Variants in XPO6 observed in about 807,000 individuals in gnomAD.
The protein encoded by XPO6 is exportin 6.
A neutral mutation model predicts 130.0 loss-of-function variants in XPO6; 3 were observed. The ratio of observed to expected loss-of-function variants is 0.02; its 90% CI spans 0.01 to 0.06. The LOEUF (loss-of-function observed/expected upper bound fraction) is 0.06, where lower values mean the gene tolerates loss of function less well. XPO6 is among the 10% of genes least tolerant of loss of function. XPO6 has a pLI of 1.00. For synonymous variants in XPO6, 524 were observed against 548.9 expected, an observed-to-expected ratio of 0.95 and a Z score of 0.63; for missense variants, 970 against 1,393.0, an observed-to-expected ratio of 0.70 and a Z score of 4.83.
chr16:28,161,293 G>GGA (rs1483040310), intron 6 of XPO6, among the ~76,000 whole-genome samples: 11 of 152,156 alleles, frequency 7.2e-5, no homozygotes, highest in Non-Finnish European at 1.2e-4. Flanking sequence ...TCCCTAAAAG[G>GGA]GTTTGGGGGA....
chr16:28,191,047 AC>A (rs1196822266), intron 1 of XPO6, among the ~76,000 whole-genome samples: 1 of 152,192 alleles, frequency 6.6e-6, no homozygotes, highest in East Asian at 1.9e-4. Context: ...ACTGGCCGGT[AC>A]CCTCTACCTT....
chr16:28,113,610 A>G (rs1200166194), intron 15 of XPO6, among the ~76,000 whole-genome samples: 2 of 152,208 alleles, frequency 1.3e-5, no homozygotes, highest in East Asian at 3.8e-4. Context: ...CACACCAAAA[A>G]GTCAAGGCAG....
chr16:28,173,784 G>C (rs2043492541), intron 4 of XPO6, among the ~76,000 whole-genome samples: 1 of 152,152 alleles, frequency 6.6e-6, no homozygotes, highest in Non-Finnish European at 1.5e-5. Flanking sequence ...TAAACCTCCA[G>C]AAGCCCTTCA....
intron 21 of XPO6, among the ~76,000 whole-genome samples, chr16:28,102,663 A>G (rs985238476): frequency 5.3e-5 from 8 of 152,180 alleles, no homozygotes; most frequent in African/African-American, 1.4e-4. Flanking sequence ...ACTTCAATCC[A>G]GGAGGCAGAG....
intron 1 of XPO6, among the ~76,000 whole-genome samples, chr16:28,187,422 AG>A (rs1353491785): frequency 6.6e-6 from 1 of 152,158 alleles, no homozygotes; most frequent in Non-Finnish European, 1.5e-5. Context: ...TGCAGGCTCT[AG>A]GGTCAGGTTC....
intron 6 of XPO6, among the ~76,000 whole-genome samples, chr16:28,161,722 C>G (rs1299948454): frequency 6.6e-6 from 1 of 152,070 alleles, no homozygotes; most frequent in Non-Finnish European, 1.5e-5. Flanking sequence ...GCATTATTAC[C>G]CATATTTACA....
At chr16:28,189,788 A>T (rs2043757175) in intron 1 of XPO6, among the ~76,000 whole-genome samples, 1 of 152,194 alleles carries the variant, frequency 6.6e-6, no homozygotes, top group Admixed American at 6.5e-5. Flanking sequence ...ACAGACATTT[A>T]ATATTTGATT....
At chr16:28,171,072 CT>C (rs75349360) in intron 4 of XPO6, among the ~76,000 whole-genome samples, 606 of 142,588 alleles carry the variant, frequency 4.3e-3, no homozygotes, top group Middle Eastern at 0.011. Context: ...CCCTGACACA[CT>C]TTTTTTTTTT....
intron 9 of XPO6, among the ~76,000 whole-genome samples, chr16:28,144,994 T>A (rs952209635): frequency 1.3e-5 from 2 of 152,108 alleles, no homozygotes; most frequent in Admixed American, 6.6e-5. Flanking sequence ...TAATCTGAAA[T>A]TGCTCTTATA....
intron 1 of XPO6, among the ~76,000 whole-genome samples, chr16:28,201,578 C>T (rs924692101): frequency 6.6e-6 from 1 of 152,098 alleles, no homozygotes; most frequent in Non-Finnish European, 1.5e-5. Context: ...TAGTCTTGGC[C>T]GGGCGTGGTG....
At chr16:28,139,751 C>G (rs1429479122) in intron 9 of XPO6, among the ~76,000 whole-genome samples, 2 of 152,074 alleles carry the variant, frequency 1.3e-5, no homozygotes, top group Non-Finnish European at 2.9e-5. Flanking sequence ...AAAAAACCCA[C>G]ATAAAGAAAT....
At chr16:28,156,020 A>G in intron 7 of XPO6, 54 bp downstream of exon 7, 1 of 1,543,032 alleles carries the variant, frequency 6.5e-7, no homozygotes, top group Non-Finnish European at 8.7e-7. Context: ...ACAGCATGGT[A>G]AACAGTCAGG....
At chr16:28,164,530 C>T (rs1431515936) in intron 6 of XPO6, among the ~76,000 whole-genome samples, 6 of 152,110 alleles carry the variant, frequency 3.9e-5, no homozygotes, top group Non-Finnish European at 8.8e-5. Flanking sequence ...TCCCTAAGTG[C>T]CCCCACAGTC....
intron 1 of XPO6, among the ~76,000 whole-genome samples, chr16:28,203,329 G>T (rs1190929990): frequency 6.6e-6 from 1 of 152,040 alleles, no homozygotes; most frequent in African/African-American, 2.4e-5. Context: ...AATGACAGGG[G>T]GAAAGGAGAG....
At chr16:28,197,228 G>C (rs968233134) in intron 1 of XPO6, among the ~76,000 whole-genome samples, 10 of 151,788 alleles carry the variant, frequency 6.6e-5, no homozygotes, top group African/African-American at 2.4e-4. Flanking sequence ...CTTTAGCCTG[G>C]GTGACAGAGA....
chr16:28,146,929 A>G (rs1007566781), intron 8 of XPO6, among the ~76,000 whole-genome samples: 2 of 152,134 alleles, frequency 1.3e-5, no homozygotes, highest in Non-Finnish European at 2.9e-5. Flanking sequence ...TATTTCATGC[A>G]AAGTCCAGGC....
intron 1 of XPO6, among the ~76,000 whole-genome samples, chr16:28,181,823 C>T (rs1300698593): frequency 3.3e-5 from 5 of 152,182 alleles, no homozygotes; most frequent in African/African-American, 1.2e-4. Flanking sequence ...AAACCACAGG[C>T]CCACAGTGAG....
chr16:28,197,605 T>C (rs566523605), intron 1 of XPO6, among the ~76,000 whole-genome samples: 9 of 152,060 alleles, frequency 5.9e-5, no homozygotes, highest in South Asian at 4.2e-4. Context: ...GGAAAACATG[T>C]GATGAAGTGC....
intron 23 of XPO6, among the ~76,000 whole-genome samples, chr16:28,099,190 C>G (rs974907203): frequency 6.6e-6 from 1 of 152,168 alleles, no homozygotes; most frequent in African/African-American, 2.4e-5. Context: ...GCAGCAAACA[C>G]AGTCCCAAGG....
Sources: allele counts gnomAD v4.1 joint callset (sites outside exome capture counted in the v4.1 genomes callset), GRCh38; gene constraint gnomAD v4.1.1; transcripts MANE v1.5; gene names NCBI Gene and HGNC (gene_info 2026-07-23, HGNC 2026-07-21).